SPOCK1: variants seen among roughly 807,000 people sequenced by gnomAD.
SPOCK1 encodes testican-1.
Under a neutral mutation model 55.3 loss-of-function variants are expected in SPOCK1, and 23 were observed. The observed-to-expected ratio is 0.42, with a 90% CI of 0.30 to 0.59. The LOEUF (loss-of-function observed/expected upper bound fraction) is 0.59. Among genes scored for constraint, SPOCK1 ranks in the 20% least tolerant of loss-of-function variants. The pLI, the probability that SPOCK1 is intolerant of heterozygous loss-of-function variation, is 0.22. For missense variants in SPOCK1, 499 were observed against 552.5 expected, an observed-to-expected ratio of 0.90 and a Z score of 0.97; for synonymous variants, 226 against 221.0, an observed-to-expected ratio of 1.02 and a Z score of -0.20.
intron 2 of SPOCK1, among the ~76,000 whole-genome samples, chr5:137,345,795 A>C (rs530879578): frequency 3.3e-5 from 5 of 152,174 alleles, no homozygotes; most frequent in Non-Finnish European, 7.3e-5. Context: ...TACTTACAGC[A>C]TGATGCCCTC....
chr5:137,248,947 T>C (rs1756454032), intron 3 of SPOCK1, among the ~76,000 whole-genome samples: 1 of 152,248 alleles, frequency 6.6e-6, no homozygotes, highest in Non-Finnish European at 1.5e-5. Flanking sequence ...ATAAGTTGAC[T>C]TTTCCTTTAA....
chr5:137,150,040 T>C (rs1402643004), intron 3 of SPOCK1, among the ~76,000 whole-genome samples: 2 of 152,158 alleles, frequency 1.3e-5, no homozygotes, highest in Non-Finnish European at 2.9e-5. Context: ...TACCAGCTCT[T>C]TTTAGCTTGC....
intron 6 of SPOCK1, among the ~76,000 whole-genome samples, chr5:137,064,044 G>T (rs1269889997): frequency 6.6e-6 from 1 of 152,140 alleles, no homozygotes; most frequent in Non-Finnish European, 1.5e-5. Context: ...TAACAGAGAA[G>T]AAAGAGGATT....
At chr5:137,033,912 C>G (rs1024794158) in intron 6 of SPOCK1, among the ~76,000 whole-genome samples, 4 of 152,180 alleles carry the variant, frequency 2.6e-5, no homozygotes, top group African/African-American at 9.7e-5. Context: ...CAGGGCTACT[C>G]CTAACACACT....
In SPOCK1 at chr5:136,980,199, G is replaced by A. The variant is rs1017397914; in HGVS notation, c.992-730C>T. The stretch of plus-strand genomic sequence containing the variant: ...TTGCAGGCAAAAAAAAAAAAAAAAA[G>A]TGATAAACTGGAGTTAATTTGCCCA... On this transcript the variant is annotated intron_variant, in intron 9 of 10. Transcript: ENST00000394945. Among the ~76,000 whole-genome samples, 12 of 142,360 alleles carry A rather than the reference G, an allele frequency of 8.4e-5. No individual in the cohort carries two copies. In the East Asian group the frequency reaches 1.4e-3, roughly 17 times the overall value. The allele number at this position is 142,360 out of a possible 152,430, so 93.4% of individuals were successfully genotyped here. A position where few individuals can be genotyped will look rare whatever the true frequency, so the allele number is the denominator to read the frequency against.
chr5:137,288,093 T>C (rs2905558), intron 2 of SPOCK1, among the ~76,000 whole-genome samples: 127,396 of 152,068 alleles, frequency 0.84, 53,499 homozygotes, highest in African/African-American at 0.87. Flanking sequence ...ACCACTGTTA[T>C]GGTCCCAAGA....
At chr5:137,404,704 AC>A (rs1752058651) in intron 2 of SPOCK1, among the ~76,000 whole-genome samples, 1 of 151,768 alleles carries the variant, frequency 6.6e-6, no homozygotes, top group East Asian at 1.9e-4. Flanking sequence ...AGGGGGAGCC[AC>A]CGCACCTGGC....
At chr5:137,126,380 C>T (rs1232993592) in intron 4 of SPOCK1, among the ~76,000 whole-genome samples, 1 of 152,200 alleles carries the variant, frequency 6.6e-6, no homozygotes, top group Non-Finnish European at 1.5e-5. Context: ...TACCCAGCCT[C>T]AGGTGTTCCT....
intron 6 of SPOCK1, among the ~76,000 whole-genome samples, chr5:137,050,512 G>A (rs866778738): frequency 0.011 from 1,590 of 151,006 alleles, 34 homozygotes; most frequent in African/African-American, 0.037. Flanking sequence ...CGCACGGTGC[G>A]CGCACCCACT....
chr5:137,294,430 G>A (rs530804488), intron 2 of SPOCK1, among the ~76,000 whole-genome samples: 29 of 152,194 alleles, frequency 1.9e-4, no homozygotes, highest in Non-Finnish European at 3.5e-4. Context: ...GCCCAAGGAT[G>A]CAGGGCTGGC....
intron 2 of SPOCK1, among the ~76,000 whole-genome samples, chr5:137,448,302 G>A (rs767259800): frequency 6.6e-5 from 10 of 152,140 alleles, no homozygotes; most frequent in African/African-American, 1.2e-4. Flanking sequence ...TGTTATCTCA[G>A]TAAGAACCAC....
intron 5 of SPOCK1, among the ~76,000 whole-genome samples, chr5:137,071,546 C>T (rs2127008189): frequency 6.6e-6 from 1 of 152,286 alleles, no homozygotes; most frequent in South Asian, 2.1e-4. Context: ...AGCTTGACAA[C>T]TTCTATAAAT....
intron 6 of SPOCK1, among the ~76,000 whole-genome samples, chr5:137,002,489 A>AT (rs2126969550): frequency 6.6e-6 from 1 of 152,234 alleles, no homozygotes; most frequent in African/African-American, 2.4e-5. Flanking sequence ...GGCCAAAAAA[A>AT]AAAAAAATTA....
chr5:137,005,656 A>G (rs1751233871), intron 6 of SPOCK1, among the ~76,000 whole-genome samples: 1 of 152,140 alleles, frequency 6.6e-6, no homozygotes. Flanking sequence ...CACAAGGGGA[A>G]AAATACAAGA....
intron 2 of SPOCK1, among the ~76,000 whole-genome samples, chr5:137,395,302 G>C (rs1164441626): frequency 6.6e-6 from 1 of 152,220 alleles, no homozygotes; most frequent in African/African-American, 2.4e-5. Context: ...GTGTGCCAAA[G>C]TAATTTTCTT....
chr5:137,098,928 C>T (rs544371139), intron 5 of SPOCK1, among the ~76,000 whole-genome samples: 1 of 152,318 alleles, frequency 6.6e-6, no homozygotes, highest in African/African-American at 2.4e-5. Flanking sequence ...GGCTGCTGCT[C>T]AGTCCCCCAA....
At chr5:137,304,157 A>G (rs1413098966) in intron 2 of SPOCK1, among the ~76,000 whole-genome samples, 1 of 152,214 alleles carries the variant, frequency 6.6e-6, no homozygotes, top group East Asian at 1.9e-4. Flanking sequence ...GAAGGGGGAA[A>G]AAATCCACCA....
intron 2 of SPOCK1, among the ~76,000 whole-genome samples, chr5:137,483,622 T>G (rs1359579152): frequency 6.6e-6 from 1 of 152,210 alleles, no homozygotes; most frequent in Non-Finnish European, 1.5e-5. Context: ...AGGCCAGCAT[T>G]TCTCAACCTT....
intron 2 of SPOCK1, among the ~76,000 whole-genome samples, chr5:137,471,397 T>C (rs1753734970): frequency 6.6e-6 from 1 of 152,216 alleles, no homozygotes; most frequent in South Asian, 2.1e-4. Flanking sequence ...GCAGCTTCCT[T>C]ATCTGTAAAA....
Sources: gnomAD v4.1 joint callset for allele counts (sites outside exome capture counted in the v4.1 genomes callset) on GRCh38, gnomAD v4.1.1 for gene constraint, MANE v1.5 for transcripts, NCBI Gene and HGNC (gene_info 2026-07-23, HGNC 2026-07-21) for gene names.